ZNF628: variants seen among roughly 807,000 people sequenced by gnomAD.
ZNF628 encodes zinc finger protein 628.
ZNF628 carries 3 observed loss-of-function variants against 2.5 expected under a neutral mutation model. That is an observed-to-expected ratio of 1.19 (90% CI 0.54 to 3.07). The LOEUF is 3.07. ZNF628 is among the 30% of genes most tolerant of loss of function. ZNF628 has a pLI of 0.03. For synonymous variants in ZNF628, 861 were observed against 717.1 expected, an observed-to-expected ratio of 1.20 and a Z score of -3.21; for missense variants, 1,610 against 1,517.1, an observed-to-expected ratio of 1.06 and a Z score of -1.02.
chr19:55,483,896 C>T lies in ZNF628; in HGVS notation c.2703C>T (p.Leu901=). ...VVQSGAAEEL[L]TGPGPGEAGD... The stretch of plus-strand genomic sequence containing the variant: ...AGAGCGGGGCAGCTGAGGAGTTGCT[C>T]ACTGGCCCGGGCCCCGGGGAGGCGG... The change falls in exon 3 of 3, where the codon CTC becomes CTT. Residue 901 remains leucine (L), a synonymous_variant. Coordinates refer to ENST00000598519, the MANE Select transcript of ZNF628 (RefSeq NM_033113.3). 6.3e-7 allele frequency: 1 copy of T among 1,599,094 alleles called. No homozygotes were observed. Among genetic ancestry groups the T allele is most frequent in the Non-Finnish European group, 8.5e-7 (1 of 1,171,776 alleles).
Position 55,482,533 on chromosome 19 carries a change from C to T in ZNF628, c.1340C>T (p.Pro447Leu), listed in dbSNP as rs747984863. ...GTCCCGCCGCCACCCCCGTCCGCCC[C>T]CGCTTCTGCGGAGCGGCCCTACAAA... ...APVPPPPPSA[P>L]ASAERPYKCA... The change falls in exon 3 of 3, where the codon CCC becomes CTC. Residue 447 changes from proline (P) to leucine (L), a missense_variant. Physicochemically the swap from Pro to Leu is moderately conservative, Grantham distance 98 (BLOSUM62 -3). Coordinates refer to ENST00000598519, the MANE Select transcript of ZNF628 (RefSeq NM_033113.3). 6 of 1,544,032 alleles carry T rather than the reference C, an allele frequency of 3.9e-6. No individual in the cohort carries two copies. Among genetic ancestry groups the T allele is most frequent in the Non-Finnish European group, 5.2e-6 (6 of 1,152,300 alleles).
At position 55,484,062 on chromosome 19, in the gene ZNF628, C is replaced by T. The variant is rs771060368; in HGVS notation, c.2869C>T (p.Leu957Phe). The change falls in exon 3 of 3, where the codon CTT (leucine) becomes TTT (phenylalanine). Residue 957 changes from leucine (L) to phenylalanine (F), a missense_variant. By Grantham distance (22) the Leu-to-Phe change is conservative. Coordinates refer to ENST00000598519, the MANE Select transcript of ZNF628 (RefSeq NM_033113.3). ...TRLCVQEVET[L>F]PPGLTEPPAT... ...ACTCTGCGTACAGGAGGTAGAAACA[C>T]TTCCTCCTGGGCTGACGGAGCCGCC... 4.6e-5 allele frequency: 74 copies of T among 1,593,780 alleles called. No individual in the cohort carries two copies. Among genetic ancestry groups the T allele is most frequent in the Non-Finnish European group, 6.1e-5 (72 of 1,171,306 alleles).
chr19:55,478,451 C>T (rs1986616985), intron 1 of ZNF628, among the ~76,000 whole-genome samples: 1 of 152,128 alleles, frequency 6.6e-6, no homozygotes, highest in Non-Finnish European at 1.5e-5. Flanking sequence ...CCTGGCCATC[C>T]TGGGTGACCA....
Position 55,479,238 on chromosome 19 carries a change from G to A in ZNF628, c.-77-596G>A, listed in dbSNP as rs1342413996. The stretch of plus-strand genomic sequence containing the variant: ...TATCCCGGAGGCCAGGGGGAGGCGG[G>A]CCACGGACCCAGTGACAAGTGGGCC... On this transcript the variant is annotated intron_variant, in intron 1 of 2. Coordinates refer to ENST00000598519, the MANE Select transcript of ZNF628 (RefSeq NM_033113.3). The surrounding 1 kb of genome is among the most constrained non-coding windows in gnomAD (Gnocchi z 5.1). Among the ~76,000 whole-genome samples the A allele has an allele frequency of 1.3e-5, 2 of 152,164 alleles. No individual in the cohort carries two copies. The highest frequency in any genetic ancestry group is 6.5e-5 in the Admixed American group (1 of 15,278).
chr19:55,480,578 G>A (rs961930766), intron 2 of ZNF628, among the ~76,000 whole-genome samples: 2 of 152,160 alleles, frequency 1.3e-5, no homozygotes, highest in Non-Finnish European at 2.9e-5. Context: ...CCACCACCAT[G>A]CCGGGCTAAT....
intron 2 of ZNF628, 28 bp from the exon 3 acceptor site, chr19:55,481,173 A>T: frequency 6.7e-7 from 1 of 1,493,758 alleles, no homozygotes; most frequent in Non-Finnish European, 8.9e-7. Flanking sequence ...TGCGGGGGTG[A>T]GCCGCTGACC....
rs74442469 is a variant in ZNF628, at chr19:55,481,625, C to T, written c.432C>T (p.Gly144=). Residue 144 remains glycine (G), a synonymous_variant, in exon 3 of 3, where the codon GGC becomes GGT. Coordinates refer to ENST00000598519, the MANE Select transcript of ZNF628 (RefSeq NM_033113.3). ...AGTACCACTTAAGGCAGCACACAGGCGAGCGCCCCTACCCGTGCCCGGACT... is the reference window on the plus strand; with the variant it reads ...AGTACCACTTAAGGCAGCACACAGGTGAGCGCCCCTACCCGTGCCCGGACT... The part of the protein sequence containing the change: ...HYQYHLRQHT[G]ERPYPCPDCP... The T allele has an allele frequency of 0.076, 122,861 of 1,613,376 alleles. 5,081 individuals are homozygous for T. Among genetic ancestry groups the T allele is most frequent in the East Asian group, 0.12 (5,157 of 44,840 alleles).
rs1986692868 is a variant in ZNF628, at chr19:55,481,319, C to G, written c.126C>G (p.Gly42=). Residue 42 remains glycine, a synonymous_variant, in exon 3 of 3, where the codon GGC becomes GGG. Coordinates refer to ENST00000598519, the MANE Select transcript of ZNF628 (RefSeq NM_033113.3). ...PAAQYECGEC[G]KSFRWSSRLL... is the part of the protein sequence containing the mutation. Reference sequence around the variant, plus strand: ...CCCAGTACGAATGTGGGGAGTGTGGCAAGTCATTCCGGTGGTCGTCCCGGC... The same window carrying G: ...CCCAGTACGAATGTGGGGAGTGTGGGAAGTCATTCCGGTGGTCGTCCCGGC... 1 of 1,611,232 alleles carries G rather than the reference C, an allele frequency of 6.2e-7. No individual in the cohort carries two copies. The highest frequency in any genetic ancestry group is 8.5e-7 in the Non-Finnish European group (1 of 1,179,246).
chr19:55,478,178 G>A (rs920642909), intron 1 of ZNF628, among the ~76,000 whole-genome samples: 5 of 152,224 alleles, frequency 3.3e-5, no homozygotes, highest in African/African-American at 1.2e-4. Flanking sequence ...GCCCTCAACA[G>A]AGAATGGTCT....
rs1471147947 is a variant in ZNF628 at position 55,483,794 on chromosome 19, C to G, written c.2601C>G (p.Leu867=). The G allele has an allele frequency of 6.2e-7, 1 of 1,613,730 alleles. No homozygotes were observed. Among genetic ancestry groups the G allele is most frequent in the Non-Finnish European group, 8.5e-7 (1 of 1,179,870 alleles). ...CACAGGAGGTGACCACGGTCCAGCT[C>G]CAGCCCGTGGCCGGCCAGCTCTCCA... ...QPAQEVTTVQ[L]QPVAGQLSNS... The change falls in exon 3 of 3, where the codon CTC becomes CTG. Residue 867 remains leucine (L), a synonymous_variant. Coordinates refer to ENST00000598519, the MANE Select transcript of ZNF628 (RefSeq NM_033113.3).
chr19:55,481,526 T>C lies in ZNF628; in HGVS notation c.333T>C (p.Arg111=). ...FKRSSLLQIH[R]SVHTGLRAFI... is the part of the protein sequence containing the mutation. Reference sequence around the variant, plus strand: ...GCTCCTCTCTGCTGCAGATCCACCGTAGCGTGCACACCGGCCTGCGGGCCT... The same window carrying C: ...GCTCCTCTCTGCTGCAGATCCACCGCAGCGTGCACACCGGCCTGCGGGCCT... Residue 111 remains arginine (R), a synonymous_variant, in exon 3 of 3, where the codon CGT becomes CGC. Transcript: ENST00000598519. The C allele has an allele frequency of 6.2e-7, 1 of 1,609,520 alleles. No individual in the cohort carries two copies.
Position 55,481,418 on chromosome 19 carries a change from C to T in ZNF628, c.225C>T (p.Gly75=), listed in dbSNP as rs1384976912. Reference sequence around the variant, plus strand: ...CAGACTGCCCCAAGGCTTTCAAAGGCTCCTCGGCCCTGCTCTACCACCAGC... The same window carrying T: ...CAGACTGCCCCAAGGCTTTCAAAGGTTCCTCGGCCCTGCTCTACCACCAGC... ...KCPDCPKAFK[G]SSALLYHQRG... The change falls in exon 3 of 3, where the codon GGC becomes GGT. Residue 75 remains glycine (G), a synonymous_variant. Coordinates refer to ENST00000598519, the MANE Select transcript of ZNF628 (RefSeq NM_033113.3). The T allele has an allele frequency of 1.2e-6, 2 of 1,612,378 alleles. No individual in the cohort carries two copies. Among genetic ancestry groups the T allele is most frequent in the Non-Finnish European group, 1.7e-6 (2 of 1,179,468 alleles).
chr19:55,483,767 A>T lies in ZNF628; in HGVS notation c.2574A>T (p.Pro858=). 6.2e-7 allele frequency: 1 copy of T among 1,613,370 alleles called. No homozygotes were observed. Among genetic ancestry groups the T allele is most frequent in the Non-Finnish European group, 8.5e-7 (1 of 1,179,544 alleles). ...AAGTAACCACGGTCCAGCTCCAGCC[A>T]GCACAGGAGGTGACCACGGTCCAGC... ...AQEVTTVQLQ[P]AQEVTTVQLQ... is the part of the protein sequence containing the mutation. The change falls in exon 3 of 3, where the codon CCA becomes CCT. Residue 858 remains proline, a synonymous_variant. Coordinates refer to ENST00000598519, the MANE Select transcript of ZNF628 (RefSeq NM_033113.3).
In ZNF628 at chr19:55,483,499, A is replaced by G; in HGVS notation, c.2306A>G (p.Gln769Arg). 2 of 1,542,860 alleles carry G rather than the reference A, an allele frequency of 1.3e-6. No homozygotes were observed. The highest frequency in any genetic ancestry group is 1.7e-6 in the Non-Finnish European group (2 of 1,145,750). Residue 769 changes from glutamine to arginine, a missense_variant, in exon 3 of 3, where the codon CAG (glutamine) becomes CGG (arginine). This residue lies in a region of ZNF628 where 712 missense variants were observed against 603.6 expected (regional missense o/e 1.18). Transcript: ENST00000598519. ...CCGCGGGCAGTGGGGAAAGCGGGCC[A>G]GGGGGCGGGAGTGGTCTGGCTGCCA... Reference protein sequence around the residue: ...QGPRAVGKAGQGAGVVWLPGP... With the variant: ...QGPRAVGKAGRGAGVVWLPGP...
chr19:55,484,347 G>A lies in ZNF628; in HGVS notation c.3154G>A (p.Ala1052Thr). The change falls in exon 3 of 3, where the codon GCA (alanine) becomes ACA (threonine). Residue 1052 changes from alanine to threonine, a missense_variant. Around this residue, in one of 5 missense-constraint regions of ZNF628, gnomAD observed 712 missense variants for 603.6 expected, o/e 1.18. Coordinates refer to ENST00000598519, the MANE Select transcript of ZNF628 (RefSeq NM_033113.3). ...CATCCAGATTGTCCAGACTCTACCC[G>A]CAGTCCAGCTGGTGCACACGTTTTG... The part of the protein sequence containing the change: ...PSIQIVQTLP[A>T]VQLVHTF 1 of 1,460,138 alleles carries A rather than the reference G, an allele frequency of 6.8e-7. No individual in the cohort carries two copies. The highest frequency in any genetic ancestry group is 9.1e-7 in the Non-Finnish European group (1 of 1,102,314). The allele number at this position is 1,460,138 out of a possible 1,614,324, so 90.4% of individuals were successfully genotyped here. A position where few individuals can be genotyped will look rare whatever the true frequency, so the allele number is the denominator to read the frequency against.
chr19:55,481,407 G>T lies in ZNF628; in HGVS notation c.214G>T (p.Ala72Ser). The change falls in exon 3 of 3, where the codon GCT becomes TCT. Residue 72 changes from alanine to serine, a missense_variant. By Grantham distance (99) the Ala-to-Ser change is moderately conservative (BLOSUM62 1). Around this residue, in one of 5 missense-constraint regions of ZNF628, gnomAD observed 166 missense variants for 241.3 expected, o/e 0.69. Coordinates refer to ENST00000598519, the MANE Select transcript of ZNF628 (RefSeq NM_033113.3). Reference protein sequence around the residue: ...RPYKCPDCPKAFKGSSALLYH... With the variant: ...RPYKCPDCPKSFKGSSALLYH... Reference sequence around the variant, plus strand: ...CTACAAGTGCCCAGACTGCCCCAAGGCTTTCAAAGGCTCCTCGGCCCTGCT... The same window carrying T: ...CTACAAGTGCCCAGACTGCCCCAAGTCTTTCAAAGGCTCCTCGGCCCTGCT... 1 of 1,611,598 alleles carries T rather than the reference G, an allele frequency of 6.2e-7. No individual in the cohort carries two copies. The highest frequency in any genetic ancestry group is 8.5e-7 in the Non-Finnish European group (1 of 1,179,244).
At chr19:55,476,875 C>CGG (rs1244568669) in intron 1 of ZNF628, 68 bp downstream of exon 1, 248 of 20,036 alleles carry the variant, frequency 0.012, 6 homozygotes, top group African/African-American at 0.027. Flanking sequence ...GGGGGTGGGG[C>CGG]GGGGGGGGGG....
chr19:55,482,972 C>G lies in ZNF628; in HGVS notation c.1779C>G (p.Pro593=), dbSNP rs550689648. 3 of 1,611,066 alleles carry G rather than the reference C, an allele frequency of 1.9e-6. No individual in the cohort carries two copies. Among genetic ancestry groups the G allele is most frequent in the Admixed American group, 1.7e-5 (1 of 59,936 alleles). ...AGCGCGTGCACACGGGCGAGCGGCC[C>G]TTCCGCTGCCCGCTCTGCCCCAAGA... ...QHQRVHTGER[P]FRCPLCPKTF... Residue 593 remains proline, a synonymous_variant, in exon 3 of 3, where the codon CCC becomes CCG. Transcript: ENST00000598519.
In ZNF628 at chr19:55,484,296, G is replaced by A. The variant is rs898272374; in HGVS notation, c.3103G>A (p.Val1035Ile). 7.9e-6 allele frequency: 12 copies of A among 1,527,348 alleles called. No individual in the cohort carries two copies. Among genetic ancestry groups the A allele is most frequent in the Non-Finnish European group, 9.7e-6 (11 of 1,135,810 alleles). 94.6% of individuals were successfully genotyped at this position (1,527,348 alleles called of 1,614,324 possible). A position where few individuals can be genotyped will look rare whatever the true frequency, so the allele number is the denominator to read the frequency against. The change falls in exon 3 of 3, where the codon GTT (valine) becomes ATT (isoleucine). Residue 1035 changes from valine to isoleucine, a missense_variant. By Grantham distance (29) the Val-to-Ile change is conservative. Transcript: ENST00000598519. ...QVVPAGAGPGVMTPQGLPSIQ... is the reference protein window; with the variant it reads ...QVVPAGAGPGIMTPQGLPSIQ... ...GGTCCCCGCAGGAGCTGGGCCTGGT[G>A]TTATGACCCCTCAGGGCCTGCCCTC...
Sources: gnomAD v4.1 joint callset for allele counts (sites outside exome capture counted in the v4.1 genomes callset) on GRCh38, gnomAD v4.1.1 for gene constraint, gnomAD v4.1.1 regional missense constraint, Gnocchi (gnomAD v3.1) non-coding constraint, MANE v1.5 for transcripts, NCBI Gene and HGNC (gene_info 2026-07-23, HGNC 2026-07-21) for gene names.